Variants in MYO1H observed in about 807,000 individuals in gnomAD.
MYO1H encodes myosin IH.
Under a neutral mutation model 149.3 loss-of-function variants are expected in MYO1H, and 118 were observed. That is an observed-to-expected ratio of 0.79 (90% confidence interval 0.68 to 0.92). The LOEUF (loss-of-function observed/expected upper bound fraction) is 0.92, where lower values mean the gene tolerates loss of function less well. Among genes scored for constraint, MYO1H ranks in the 40% least tolerant of loss-of-function variants. The probability of loss-of-function intolerance (pLI) is 0.00; values close to 1 mark genes in which losing one functional copy is unlikely to be tolerated. For missense variants in MYO1H, 1,212 were observed against 1,280.7 expected (o/e 0.95, Z 0.82); for synonymous variants, 447 against 465.2 (o/e 0.96, Z 0.50).
At chr12:109,441,547 T>G (rs1340813407) in intron 25 of MYO1H, 68 bp from the exon 26 acceptor site, 2 of 1,039,238 alleles carry the variant, frequency 1.9e-6, no homozygotes, top group Non-Finnish European at 2.9e-6. Context: ...CCTCAATGGG[T>G]CTAGAGCTCT....
At chr12:109,432,235 A>G (rs1238687259) in intron 19 of MYO1H, among the ~76,000 whole-genome samples, 3 of 151,768 alleles carry the variant, frequency 2.0e-5, no homozygotes, top group Admixed American at 1.3e-4. Flanking sequence ...CGATCTCTTG[A>G]CCTTGTGATC....
the MYO1H span, among the ~76,000 whole-genome samples, chr12:109,332,245 G>A: frequency 6.6e-6 from 1 of 152,242 alleles, no homozygotes. Context: ...AAGTTCTAAA[G>A]TTAAAGGTGA....
chr12:109,383,502 G>C (rs1275507301), intron 1 of MYO1H, among the ~76,000 whole-genome samples: 6 of 152,192 alleles, frequency 3.9e-5, no homozygotes, highest in African/African-American at 1.4e-4. Context: ...CGTACACAAA[G>C]TCTACTGTGG....
chr12:109,418,836 A>G (rs1360000148), intron 15 of MYO1H, among the ~76,000 whole-genome samples: 2 of 152,178 alleles, frequency 1.3e-5, no homozygotes, highest in Admixed American at 6.6e-5. Flanking sequence ...GAGCCACCGC[A>G]CCCAGCATTA....
intron 3 of MYO1H, 48 bp downstream of exon 3, chr12:109,393,494 C>T: frequency 8.1e-7 from 1 of 1,233,102 alleles, no homozygotes; most frequent in Non-Finnish European, 1.2e-6. Context: ...TTCTTTTTCC[C>T]CTTCCTCTCT....
At chr12:109,380,490 A>C (rs1233574253) in intron 1 of MYO1H, among the ~76,000 whole-genome samples, 1 of 152,232 alleles carries the variant, frequency 6.6e-6, no homozygotes, top group African/African-American at 2.4e-5. Flanking sequence ...CCTGAGGACA[A>C]AGAATTCAAA....
upstream of MYO1H, among the ~76,000 whole-genome samples, chr12:109,343,989 G>T (rs892863773): frequency 1.3e-5 from 2 of 152,086 alleles, no homozygotes; most frequent in Admixed American, 6.6e-5. Flanking sequence ...GTCTCCTTTG[G>T]CTTCTCTTGG....
chr12:109,334,565 T>A, the MYO1H span, among the ~76,000 whole-genome samples: 1 of 152,244 alleles, frequency 6.6e-6, no homozygotes, highest in Non-Finnish European at 1.5e-5. Flanking sequence ...ACCAGATCCA[T>A]TGAAATTGCC....
intron 1 of MYO1H, among the ~76,000 whole-genome samples, chr12:109,372,598 G>A (rs1389450986): frequency 6.6e-6 from 1 of 151,834 alleles, no homozygotes; most frequent in Non-Finnish European, 1.5e-5. Context: ...CATGTTCAAG[G>A]TTATGTTATT....
intron 1 of MYO1H, among the ~76,000 whole-genome samples, chr12:109,376,418 C>A (rs969976643): frequency 4.5e-4 from 68 of 152,302 alleles, no homozygotes; most frequent in Middle Eastern, 3.4e-3. Flanking sequence ...TAACATGTAT[C>A]AGTACTCCTT....
At chr12:109,317,008 A>G in the MYO1H span, among the ~76,000 whole-genome samples, 6 of 152,236 alleles carry the variant, frequency 3.9e-5, no homozygotes, top group African/African-American at 1.2e-4. Context: ...CTGATAGTTC[A>G]TTATCAAAAC....
intron 20 of MYO1H, among the ~76,000 whole-genome samples, chr12:109,434,498 CAAAAACA>C (rs1871776389): frequency 6.6e-6 from 1 of 152,062 alleles, no homozygotes; most frequent in Non-Finnish European, 1.5e-5. Context: ...TGTTTCAAAA[CAAAAACA>C]AAAAACAAAC....
chr12:109,372,631 CAT>C (rs1425444945), intron 1 of MYO1H, among the ~76,000 whole-genome samples: 2 of 152,016 alleles, frequency 1.3e-5, no homozygotes, highest in African/African-American at 2.4e-5. Context: ...TAATTAAAGA[CAT>C]ATGTCATCAT....
chr12:109,349,680 G>A (rs552378378), intron 1 of MYO1H, among the ~76,000 whole-genome samples: 1 of 148,846 alleles, frequency 6.7e-6, no homozygotes, highest in Non-Finnish European at 1.5e-5. Flanking sequence ...AAAAAAAGAG[G>A]CCGGGTGCGG....
intron 8 of MYO1H, 113 bp from the exon 9 acceptor site, chr12:109,406,676 G>A (rs1037413426): frequency 2.1e-6 from 2 of 943,266 alleles, no homozygotes; most frequent in Non-Finnish European, 3.3e-6. Flanking sequence ...AGCTATGATT[G>A]TGCCACCACA....
At chr12:109,318,972 G>GTTTTTTTTTTTTTTTTTTTTTTTTTT in the MYO1H span, among the ~76,000 whole-genome samples, 12 of 77,262 alleles carry the variant, frequency 1.6e-4, no homozygotes, top group Admixed American at 2.8e-4. Context: ...TTTTGGTTTT[G>GTTTTTTTTTTTTTTTTTTTTTTTTTT]TTTTTTTTTT....
At chr12:109,331,141 T>G in the MYO1H span, among the ~76,000 whole-genome samples, 1 of 152,164 alleles carries the variant, frequency 6.6e-6, no homozygotes, top group Non-Finnish European at 1.5e-5. Flanking sequence ...GCTTTCCTGT[T>G]TTTTCATCAT....
intron 2 of MYO1H, among the ~76,000 whole-genome samples, chr12:109,390,068 C>T (rs1592788108): frequency 2.0e-5 from 3 of 152,132 alleles, no homozygotes; most frequent in Admixed American, 1.3e-4. Flanking sequence ...CTGATTTGAA[C>T]GGATACATTT....
At chr12:109,376,512 A>G (rs1266948798) in intron 1 of MYO1H, among the ~76,000 whole-genome samples, 10 of 152,130 alleles carry the variant, frequency 6.6e-5, no homozygotes. Context: ...GTTTTTTTGC[A>G]CACACCTCCC....
Sources: allele counts gnomAD v4.1 joint callset (sites outside exome capture counted in the v4.1 genomes callset), GRCh38; gene constraint gnomAD v4.1.1; transcripts MANE v1.5; gene names NCBI Gene and HGNC (gene_info 2026-07-23, HGNC 2026-07-21).